The following CADPS variants were observed in gnomAD, a reference collection of about 807,000 sequenced individuals.
CADPS encodes the protein calcium-dependent secretion activator 1.
CADPS carries 57 observed loss-of-function variants against 167.3 expected under a neutral mutation model. The observed-to-expected ratio is 0.34, with a 90% CI of 0.28 to 0.42. The LOEUF is 0.42. Among genes scored for constraint, CADPS ranks in the 20% least tolerant of loss-of-function variants. CADPS has a pLI of 1.00. For missense variants in CADPS, 1,414 were observed against 1,738.1 expected, an observed-to-expected ratio of 0.81 and a Z score of 3.32; for synonymous variants, 676 against 635.3, an observed-to-expected ratio of 1.06 and a Z score of -0.96.
At chr3:62,633,486 C>T (rs141728089) in intron 6 of CADPS, among the ~76,000 whole-genome samples, 1 of 152,150 alleles carries the variant, frequency 6.6e-6, no homozygotes, top group African/African-American at 2.4e-5. Context: ...GCTGTCTTCT[C>T]TCTTCCCTCT....
At chr3:62,762,415 G>C (rs972459858) in intron 2 of CADPS, among the ~76,000 whole-genome samples, 2 of 152,070 alleles carry the variant, frequency 1.3e-5, no homozygotes, top group South Asian at 2.1e-4. Context: ...CCAGCATTTT[G>C]GGGGGCCAAT....
chr3:62,777,489 T>C lies in CADPS; in HGVS notation c.442-11505A>G, dbSNP rs576335156. ...AACAGGACAAAGAGTGAAGGTGATC[T>C]GAAATTAGGAAATATGAAAAACACA... On this transcript the variant is annotated intron_variant, in intron 1 of 29. Transcript: ENST00000383710. 1.3e-3 allele frequency among the ~76,000 whole-genome samples: 205 copies of C among 152,240 alleles called. 1 individual carries two copies. Among genetic ancestry groups the C allele is most frequent in the South Asian group, 2.9e-3 (14 of 4,816 alleles).
intron 6 of CADPS, among the ~76,000 whole-genome samples, chr3:62,614,413 T>C (rs777848045): frequency 2.6e-5 from 4 of 152,204 alleles, no homozygotes; most frequent in Admixed American, 6.5e-5. Flanking sequence ...TCAATGATCC[T>C]TGTTGAGCAT....
intron 28 of CADPS, among the ~76,000 whole-genome samples, chr3:62,409,831 C>G (rs1046226335): frequency 2.0e-5 from 3 of 152,104 alleles, no homozygotes; most frequent in Non-Finnish European, 4.4e-5. Flanking sequence ...AATGGTAGAG[C>G]CTTTTCATGT....
chr3:62,683,600 G>C (rs1284553805), intron 3 of CADPS, among the ~76,000 whole-genome samples: 1 of 152,006 alleles, frequency 6.6e-6, no homozygotes, highest in Non-Finnish European at 1.5e-5. Flanking sequence ...AACAAACATT[G>C]ATACTTCATT....
At chr3:62,757,797 G>A (rs2084354036) in intron 2 of CADPS, among the ~76,000 whole-genome samples, 1 of 152,182 alleles carries the variant, frequency 6.6e-6, no homozygotes, top group Non-Finnish European at 1.5e-5. Flanking sequence ...GGCTGGGGAG[G>A]CCTCACAATC....
At chr3:62,721,290 G>T (rs2075782333) in intron 3 of CADPS, among the ~76,000 whole-genome samples, 1 of 151,982 alleles carries the variant, frequency 6.6e-6, no homozygotes, top group African/African-American at 2.4e-5. Flanking sequence ...TGAGAAAACC[G>T]CCAGGACCCC....
chr3:62,844,295 G>A (rs1347858381), intron 1 of CADPS, among the ~76,000 whole-genome samples: 1 of 152,134 alleles, frequency 6.6e-6, no homozygotes, highest in Admixed American at 6.6e-5. Context: ...TAAACTCTAA[G>A]GGAAGGGGAA....
rs200699296 is a variant in CADPS, at chr3:62,753,671, G to A, written c.658C>T (p.Arg220Cys). 2.4e-5 allele frequency: 39 copies of A among 1,614,036 alleles called. No homozygotes were observed. The highest frequency in any genetic ancestry group is 2.7e-5 in the Non-Finnish European group (32 of 1,180,030). Residue 220 changes from arginine (R) to cysteine (C), a missense_variant, in exon 3 of 30, where the codon CGC (arginine) becomes TGC (cysteine). This residue lies in a region of CADPS where 522 missense variants were observed against 559.5 expected (regional missense o/e 0.93). Transcript: ENST00000383710. The surrounding 1 kb of genome is among the most constrained non-coding windows in gnomAD (Gnocchi z 4.6). ...AGGCCGTCAATCTCAGGCAGGCTGC[G>A]CACTCTCTTCTCAATGTGCTTCTTG... ...VFKKHIEKRVRSLPEIDGLSK... is the reference protein window; with the variant it reads ...VFKKHIEKRVCSLPEIDGLSK...
chr3:62,526,721 T>A (rs1233952627), intron 13 of CADPS, among the ~76,000 whole-genome samples: 1 of 152,232 alleles, frequency 6.6e-6, no homozygotes, highest in Non-Finnish European at 1.5e-5. Flanking sequence ...CTTTTTCTCC[T>A]GTCTCTCTTT....
intron 6 of CADPS, among the ~76,000 whole-genome samples, chr3:62,610,324 C>A (rs1239996848): frequency 6.6e-6 from 1 of 152,020 alleles, no homozygotes; most frequent in Admixed American, 6.6e-5. Flanking sequence ...AATCTCAGCT[C>A]ACTGCAACCT....
intron 1 of CADPS, among the ~76,000 whole-genome samples, chr3:62,797,529 C>G (rs1414901236): frequency 6.6e-6 from 1 of 152,082 alleles, no homozygotes; most frequent in African/African-American, 2.4e-5. Flanking sequence ...ATGGATGGAG[C>G]TGGAGGCCAT....
intron 14 of CADPS, 56 bp downstream of exon 14, chr3:62,518,093 G>A (rs555592202): frequency 7.7e-5 from 94 of 1,227,474 alleles, no homozygotes; most frequent in Admixed American, 5.9e-4. Context: ...AAGTCCTTTA[G>A]TTTTCCCTTC....
At chr3:62,430,770 G>A (rs979621187) in intron 28 of CADPS, among the ~76,000 whole-genome samples, 1 of 152,056 alleles carries the variant, frequency 6.6e-6, no homozygotes, top group Non-Finnish European at 1.5e-5. Context: ...CAATCAAGGT[G>A]AGTGATGGGT....
At chr3:62,825,984 T>C (rs1220448720) in intron 1 of CADPS, among the ~76,000 whole-genome samples, 1 of 152,198 alleles carries the variant, frequency 6.6e-6, no homozygotes, top group African/African-American at 2.4e-5. Context: ...TCAAAGAATG[T>C]AGACTTTGCC....
At chr3:62,777,258 G>A (rs1010376569) in intron 1 of CADPS, among the ~76,000 whole-genome samples, 4 of 152,140 alleles carry the variant, frequency 2.6e-5, no homozygotes, top group Admixed American at 6.5e-5. Flanking sequence ...TATATGTGAC[G>A]CTAATGTAAC....
chr3:62,647,950 T>C (rs1468192496), intron 5 of CADPS, among the ~76,000 whole-genome samples: 1 of 152,218 alleles, frequency 6.6e-6, no homozygotes, highest in African/African-American at 2.4e-5. Context: ...CCTTTGCCCT[T>C]TGTCCTTTGC....
intron 1 of CADPS, among the ~76,000 whole-genome samples, chr3:62,851,854 A>G (rs988037168): frequency 8.6e-5 from 13 of 151,708 alleles, no homozygotes; most frequent in African/African-American, 3.2e-4. Context: ...CTCCTGGATA[A>G]CATCCTGCAG....
intron 3 of CADPS, among the ~76,000 whole-genome samples, chr3:62,684,418 C>T (rs11130896): frequency 0.28 from 42,952 of 151,794 alleles, 7,502 homozygotes; most frequent in East Asian, 0.78. Context: ...CTACCCCAGC[C>T]GTAGAATCAG....
Sources: gnomAD v4.1 joint callset for allele counts (sites outside exome capture counted in the v4.1 genomes callset) on GRCh38, gnomAD v4.1.1 for gene constraint, gnomAD v4.1.1 regional missense constraint, Gnocchi (gnomAD v3.1) non-coding constraint, MANE v1.5 for transcripts, NCBI Gene and HGNC (gene_info 2026-07-23, HGNC 2026-07-21) for gene names.